Variants in CCDC102B observed in about 807,000 individuals in gnomAD.
The protein encoded by CCDC102B is coiled-coil domain-containing protein 102B.
CCDC102B carries 75 observed loss-of-function variants against 57.4 expected under a neutral mutation model. The ratio of observed to expected loss-of-function variants is 1.31; its 90% CI spans 1.08 to 1.58. The LOEUF is 1.58. CCDC102B is among the 40% of genes most tolerant of loss of function. The pLI is 0.00. For missense variants in CCDC102B, 636 were observed against 582.6 expected, an observed-to-expected ratio of 1.09 and a Z score of -0.94; for synonymous variants, 206 against 201.9, an observed-to-expected ratio of 1.02 and a Z score of -0.17.
At chr18:68,729,005 G>C (rs988138854) in intron 2 of CCDC102B, among the ~76,000 whole-genome samples, 2 of 152,088 alleles carry the variant, frequency 1.3e-5, no homozygotes, top group Middle Eastern at 3.4e-3. Flanking sequence ...CAAATTATAA[G>C]CATTAGTAAA....
At chr18:68,721,727 C>A (rs564614024) in intron 2 of CCDC102B, among the ~76,000 whole-genome samples, 3 of 152,280 alleles carry the variant, frequency 2.0e-5, no homozygotes, top group Admixed American at 6.5e-5. Context: ...CTTTCTGTTG[C>A]AATCTGGAAA....
intron 2 of CCDC102B, among the ~76,000 whole-genome samples, chr18:68,791,970 T>C (rs566313217): frequency 1.3e-5 from 2 of 152,280 alleles, no homozygotes; most frequent in African/African-American, 4.8e-5. Context: ...CAACTAAATG[T>C]GCTACTGGTA....
intron 1 of CCDC102B, among the ~76,000 whole-genome samples, chr18:68,803,034 C>T (rs2035910209): frequency 6.6e-6 from 1 of 152,298 alleles, no homozygotes; most frequent in South Asian, 2.1e-4. Flanking sequence ...AATGAAGTTG[C>T]TGATAGCAAT....
intron 1 of CCDC102B, among the ~76,000 whole-genome samples, chr18:68,835,003 C>T (rs2037305638): frequency 1.3e-5 from 2 of 151,840 alleles, no homozygotes; most frequent in African/African-American, 2.4e-5. Context: ...ACCAGAAAAG[C>T]GTATCTGAGA....
chr18:68,942,409 C>G (rs2049403094), intron 6 of CCDC102B, among the ~76,000 whole-genome samples: 1 of 151,916 alleles, frequency 6.6e-6, no homozygotes, highest in Non-Finnish European at 1.5e-5. Flanking sequence ...TATGGAGGAC[C>G]CACGCCGGCC....
intron 7 of CCDC102B, among the ~76,000 whole-genome samples, chr18:69,051,624 A>C (rs1289737828): frequency 2.0e-5 from 3 of 151,988 alleles, no homozygotes; most frequent in Non-Finnish European, 4.4e-5. Flanking sequence ...ATTGTATGTA[A>C]AACTTTATAA....
At chr18:68,804,459 A>G (rs2035962546) in intron 1 of CCDC102B, among the ~76,000 whole-genome samples, 1 of 152,166 alleles carries the variant, frequency 6.6e-6, no homozygotes, top group Admixed American at 6.5e-5. Flanking sequence ...TTGAAGTCAA[A>G]GGCCTGGATG....
chr18:68,841,696 T>G (rs1216482897), intron 3 of CCDC102B, among the ~76,000 whole-genome samples: 1 of 152,122 alleles, frequency 6.6e-6, no homozygotes, highest in Non-Finnish European at 1.5e-5. Flanking sequence ...TAAGCTGAGC[T>G]TCAGTCCTCC....
At chr18:68,746,875 C>T (rs1034237523) in intron 2 of CCDC102B, among the ~76,000 whole-genome samples, 1 of 151,954 alleles carries the variant, frequency 6.6e-6, no homozygotes, top group African/African-American at 2.4e-5. Flanking sequence ...ATAAACACAT[C>T]TATCACCTTA....
intron 1 of CCDC102B, among the ~76,000 whole-genome samples, chr18:68,816,052 AG>A (rs1264732381): frequency 6.6e-6 from 1 of 152,224 alleles, no homozygotes. Flanking sequence ...ATTTCATTGT[AG>A]CAGACTTTTT....
chr18:68,887,715 A>C (rs1447459371), intron 5 of CCDC102B, among the ~76,000 whole-genome samples: 1 of 152,240 alleles, frequency 6.6e-6, no homozygotes, highest in Non-Finnish European at 1.5e-5. Flanking sequence ...CAACTAACAC[A>C]ATATTTTTGT....
chr18:68,746,367 T>C (rs927114710), intron 2 of CCDC102B, among the ~76,000 whole-genome samples: 3 of 152,176 alleles, frequency 2.0e-5, no homozygotes, highest in African/African-American at 7.2e-5. Flanking sequence ...TTTTCAACTA[T>C]GATAAATTTC....
chr18:68,716,594 G>A (rs552481172), exon 2 of CCDC102B: 1 of 152,252 alleles, frequency 6.6e-6, no homozygotes, highest in East Asian at 1.9e-4. Context: ...GAACAACTGA[G>A]GTATGTGAAT....
intron 7 of CCDC102B, among the ~76,000 whole-genome samples, chr18:69,031,796 A>G (rs1189142523): frequency 6.6e-6 from 1 of 152,136 alleles, no homozygotes; most frequent in Non-Finnish European, 1.5e-5. Flanking sequence ...GTCTTAATAT[A>G]ATAACTGGGC....
intron 6 of CCDC102B, among the ~76,000 whole-genome samples, chr18:68,982,573 A>T (rs17080024): frequency 6.6e-6 from 1 of 151,928 alleles, no homozygotes; most frequent in African/African-American, 2.4e-5. Flanking sequence ...AAGATGCTGT[A>T]TAATTCTCTT....
chr18:68,941,514 A>G (rs2049379923), intron 6 of CCDC102B, among the ~76,000 whole-genome samples: 1 of 152,106 alleles, frequency 6.6e-6, no homozygotes, highest in African/African-American at 2.4e-5. Flanking sequence ...AGTTTCCCTC[A>G]TGCTATTTGT....
rs1231075453 is a variant in CCDC102B, at chr18:68,841,303, A to AT, written c.827+2384dup. On this transcript the variant is annotated intron_variant, in intron 3 of 7. Coordinates refer to ENST00000360242, the MANE Select transcript of CCDC102B (RefSeq NM_024781.3). Reference sequence around the variant, plus strand: ...ATCAACTCAGAAAACTCAGGGACTCATTTTTTTCCATTGTCCTTGACTAGA... The same window carrying AT: ...ATCAACTCAGAAAACTCAGGGACTCATTTTTTTTCCATTGTCCTTGACTAGA... 5.3e-5 allele frequency among the ~76,000 whole-genome samples: 8 copies of AT among 152,106 alleles called. No homozygotes were observed. In the South Asian group the frequency reaches 1.0e-3, roughly 20 times the overall value.
intron 2 of CCDC102B, among the ~76,000 whole-genome samples, chr18:68,772,960 C>T (rs915343050): frequency 4.6e-5 from 7 of 152,012 alleles, no homozygotes; most frequent in South Asian, 2.1e-4. Flanking sequence ...GGAGTTAAAG[C>T]TTTCTGGTTA....
intron 5 of CCDC102B, among the ~76,000 whole-genome samples, chr18:68,896,416 C>G (rs2040244060): frequency 1.3e-5 from 2 of 151,858 alleles, no homozygotes; most frequent in African/African-American, 4.8e-5. Context: ...ATATACCATG[C>G]AGCCTTGGTT....
Sources: gnomAD v4.1 joint callset for allele counts (sites outside exome capture counted in the v4.1 genomes callset) on GRCh38, gnomAD v4.1.1 for gene constraint, MANE v1.5 for transcripts, NCBI Gene and HGNC (gene_info 2026-07-23, HGNC 2026-07-21) for gene names.